The following WDR70 variants were observed in gnomAD, a reference collection of about 807,000 sequenced individuals.
WDR70 encodes the protein WD repeat domain 70.
In WDR70, 53 loss-of-function variants were observed where a neutral mutation model predicts 88.6. The observed-to-expected ratio is 0.60, with a 90% CI of 0.48 to 0.75. The LOEUF (loss-of-function observed/expected upper bound fraction) is 0.75. WDR70 is among the 30% of genes least tolerant of loss of function. The pLI, the probability that WDR70 is intolerant of heterozygous loss-of-function variation, is 0.00. For missense variants in WDR70, 610 were observed against 823.2 expected (o/e 0.74, Z 3.17); for synonymous variants, 280 against 270.0 (o/e 1.04, Z -0.36).
intron 8 of WDR70, among the ~76,000 whole-genome samples, chr5:37,514,339 CATATAT>C (rs70978826): frequency 8.0e-4 from 23 of 28,752 alleles, no homozygotes; most frequent in East Asian, 4.9e-3. Context: ...TTTAGAACTA[CATATAT>C]ATATATATAT....
intron 9 of WDR70, among the ~76,000 whole-genome samples, chr5:37,546,134 C>T (rs1335576362): frequency 1.3e-5 from 2 of 152,002 alleles, no homozygotes; most frequent in East Asian, 3.8e-4. Flanking sequence ...CGTGTTTGCT[C>T]CTGTTATGTT....
intron 5 of WDR70, among the ~76,000 whole-genome samples, chr5:37,418,386 C>G (rs1749826817): frequency 6.6e-6 from 1 of 152,110 alleles, no homozygotes; most frequent in African/African-American, 2.4e-5. Context: ...GTGGCGTGAT[C>G]TCGGCTCACT....
chr5:37,479,790 A>G (rs1243944169), intron 7 of WDR70, 44 bp from the exon 8 acceptor site: 2 of 1,562,818 alleles, frequency 1.3e-6, no homozygotes, highest in Non-Finnish European at 8.7e-7. Context: ...AATTATAAAC[A>G]TTGTGCTTAG....
intron 7 of WDR70, among the ~76,000 whole-genome samples, chr5:37,447,795 G>A (rs151023759): frequency 1.6e-3 from 244 of 152,290 alleles, no homozygotes; most frequent in Non-Finnish European, 2.7e-3. Context: ...CATGGGATGC[G>A]GGGAGGAGGG....
rs1021394189 is a variant in WDR70 at position 37,412,587 on chromosome 5, A to G, written c.492+16017A>G. Among the ~76,000 whole-genome samples the G allele has an allele frequency of 6.6e-5, 10 of 152,250 alleles. No individual in the cohort carries two copies. In the South Asian group the frequency reaches 1.7e-3, roughly 25 times the overall value. On this transcript the variant is annotated intron_variant, in intron 5 of 17. Coordinates refer to ENST00000265107, the MANE Select transcript of WDR70 (RefSeq NM_018034.4). ...TAGAAAGTTGGATTTTTATGACTGT[A>G]ACTAAGGGCTGGATGTAACAGCAGC... is the stretch of plus-strand genomic sequence containing the variant.
Position 37,417,788 on chromosome 5 carries a change from C to T in WDR70, c.493-20134C>T, listed in dbSNP as rs148763056. Reference sequence around the variant, plus strand: ...TCTTGAGCTCCTTGGCTCAAGTGATCCTCTTGCCTTGGCCTCGCAAAGTCC... The same window carrying T: ...TCTTGAGCTCCTTGGCTCAAGTGATTCTCTTGCCTTGGCCTCGCAAAGTCC... On this transcript the variant is annotated intron_variant, in intron 5 of 17. Coordinates refer to ENST00000265107, the MANE Select transcript of WDR70 (RefSeq NM_018034.4). 7.5e-3 allele frequency among the ~76,000 whole-genome samples: 1,146 copies of T among 152,260 alleles called. 6 individuals carry two copies. Among genetic ancestry groups the T allele is most frequent in the Admixed American group, 0.012 (183 of 15,290 alleles).
intron 13 of WDR70, among the ~76,000 whole-genome samples, chr5:37,706,250 A>G (rs919677272): frequency 2.0e-5 from 3 of 152,178 alleles, no homozygotes; most frequent in African/African-American, 7.2e-5. Context: ...GAGATGGTGT[A>G]TGTTTCTTTA....
At chr5:37,674,746 C>G (rs896903344) in intron 10 of WDR70, among the ~76,000 whole-genome samples, 1 of 151,630 alleles carries the variant, frequency 6.6e-6, no homozygotes, top group Non-Finnish European at 1.5e-5. Flanking sequence ...GGGTATATAC[C>G]CAGTAATGGG....
At chr5:37,747,753 T>C (rs1748675180) in intron 17 of WDR70, among the ~76,000 whole-genome samples, 2 of 152,294 alleles carry the variant, frequency 1.3e-5, no homozygotes, top group South Asian at 4.1e-4. Flanking sequence ...CATCTGAACC[T>C]AAAAACTTCT....
intron 9 of WDR70, among the ~76,000 whole-genome samples, chr5:37,528,123 T>C (rs1741358955): frequency 6.6e-6 from 1 of 152,218 alleles, no homozygotes; most frequent in Non-Finnish European, 1.5e-5. Context: ...GCCATCCCAT[T>C]ACTGGGTATA....
At chr5:37,714,190 A>G (rs1003936247) in intron 13 of WDR70, among the ~76,000 whole-genome samples, 2 of 152,214 alleles carry the variant, frequency 1.3e-5, no homozygotes, top group East Asian at 1.9e-4. Flanking sequence ...TTGGTTTTAC[A>G]TACTTAATGA....
chr5:37,389,292 C>CACAT (rs538858219), intron 3 of WDR70, among the ~76,000 whole-genome samples: 1 of 144,574 alleles, frequency 6.9e-6, no homozygotes, highest in African/African-American at 2.9e-5. Flanking sequence ...AGGGTTTCAC[C>CACAT]TGTCGAGACC....
intron 8 of WDR70, chr5:37,507,000 C>CAA (rs1382769052): frequency 1.6e-6 from 1 of 610,994 alleles, no homozygotes; most frequent in South Asian, 2.0e-5. Context: ...TGGGGACACA[C>CAA]ACACACAGGC....
chr5:37,449,223 T>C (rs2112073242), intron 7 of WDR70, among the ~76,000 whole-genome samples: 1 of 152,318 alleles, frequency 6.6e-6, no homozygotes, highest in South Asian at 2.1e-4. Flanking sequence ...GGAGCTCTTT[T>C]AGTTTGGTCT....
chr5:37,562,067 G>T (rs1353459992), intron 9 of WDR70, among the ~76,000 whole-genome samples: 1 of 152,182 alleles, frequency 6.6e-6, no homozygotes, highest in Non-Finnish European at 1.5e-5. Context: ...TTTTTAAAAT[G>T]ACATACTAGG....
At chr5:37,431,602 T>A (rs1220202827) in intron 5 of WDR70, among the ~76,000 whole-genome samples, 1 of 152,216 alleles carries the variant, frequency 6.6e-6, no homozygotes, top group Admixed American at 6.5e-5. Context: ...TAACCATTTT[T>A]AAGTGTACAA....
chr5:37,382,483 C>A (rs1332369220), intron 3 of WDR70, among the ~76,000 whole-genome samples: 1 of 151,790 alleles, frequency 6.6e-6, no homozygotes, highest in Non-Finnish European at 1.5e-5. Flanking sequence ...GCGATCTTAG[C>A]TCACTGCAAC....
chr5:37,612,918 A>T (rs552466360), intron 10 of WDR70, among the ~76,000 whole-genome samples: 1 of 152,338 alleles, frequency 6.6e-6, no homozygotes, highest in South Asian at 2.1e-4. Flanking sequence ...CAATGGTTAC[A>T]TTTCCAAAAA....
At chr5:37,655,907 C>T (rs1745541314) in intron 10 of WDR70, among the ~76,000 whole-genome samples, 1 of 151,744 alleles carries the variant, frequency 6.6e-6, no homozygotes, top group South Asian at 2.1e-4. Flanking sequence ...CAGAGGAGTT[C>T]ATTACTACCC....
Sources: allele counts gnomAD v4.1 joint callset (sites outside exome capture counted in the v4.1 genomes callset), GRCh38; gene constraint gnomAD v4.1.1; transcripts MANE v1.5; gene names NCBI Gene and HGNC (gene_info 2026-07-23, HGNC 2026-07-21).